SOAT1: variants seen among roughly 807,000 people sequenced by gnomAD.
SOAT1 encodes the protein sterol O-acyltransferase 1.
SOAT1 carries 55 observed loss-of-function variants against 69.5 expected under a neutral mutation model. The observed-to-expected ratio is 0.79, with a 90% CI of 0.64 to 0.99. The LOEUF (loss-of-function observed/expected upper bound fraction) is 0.99. SOAT1 is among the 50% of genes least tolerant of loss of function. The pLI, the probability that SOAT1 is intolerant of heterozygous loss-of-function variation, is 0.00. For missense variants in SOAT1, 580 were observed against 669.3 expected (o/e 0.87, Z 1.47); for synonymous variants, 231 against 224.7 (o/e 1.03, Z -0.25).
intron 2 of SOAT1, among the ~76,000 whole-genome samples, 178 bp downstream of exon 2, chr1:179,302,980 G>T (rs1361131512): frequency 6.6e-6 from 1 of 152,082 alleles, no homozygotes; most frequent in Non-Finnish European, 1.5e-5. Flanking sequence ...TAATTTGGTG[G>T]TCATCTATTG....
chr1:179,351,343 A>G lies in SOAT1; in HGVS notation c.1477A>G (p.Ser493Gly). 6.2e-7 allele frequency: 1 copy of G among 1,614,080 alleles called. No homozygotes were observed. Among genetic ancestry groups the G allele is most frequent in the Non-Finnish European group, 8.5e-7 (1 of 1,179,956 alleles). ...GGCTTTCAACTTCATTGTCAATGAT[A>G]GTCGGAAAAAGCCGATTTGGAATGT... Reference protein sequence around the residue: ...GMAFNFIVNDSRKKPIWNVLM... With the variant: ...GMAFNFIVNDGRKKPIWNVLM... The change falls in exon 15 of 16, where the codon AGT (serine) becomes GGT (glycine). Residue 493 changes from serine to glycine, a missense_variant. Ser to Gly is a moderately conservative substitution (Grantham distance 56). Coordinates refer to ENST00000367619, the MANE Select transcript of SOAT1 (RefSeq NM_003101.6).
At chr1:179,351,720 A>ATTTTTT (rs1558061106) in intron 15 of SOAT1, among the ~76,000 whole-genome samples, 14 of 43,488 alleles carry the variant, frequency 3.2e-4, no homozygotes, top group Middle Eastern at 0.01. Flanking sequence ...AGCCCCTTCT[A>ATTTTTT]ATTTTTTTTT....
chr1:179,353,448 A>C, intron 15 of SOAT1, 137 bp from the exon 16 acceptor site: 1 of 759,454 alleles, frequency 1.3e-6, no homozygotes, highest in Non-Finnish European at 2.3e-6. Context: ...TGAGCTGCTT[A>C]TACCTTGAGG....
intron 1 of SOAT1, among the ~76,000 whole-genome samples, chr1:179,301,268 A>G (rs1030587149): frequency 3.3e-5 from 5 of 152,214 alleles, no homozygotes; most frequent in Admixed American, 3.3e-4. Context: ...ACCTTGTACT[A>G]TCTTGATATT....
chr1:179,312,487 G>A (rs1665253188), intron 2 of SOAT1, among the ~76,000 whole-genome samples: 1 of 152,172 alleles, frequency 6.6e-6, no homozygotes, highest in Admixed American at 6.5e-5. Context: ...TTCCCCTACA[G>A]ACTTCTCGTG....
chr1:179,353,527 A>G (rs1666818601), intron 15 of SOAT1, 58 bp from the exon 16 acceptor site: 1 of 1,454,488 alleles, frequency 6.9e-7, no homozygotes, highest in Admixed American at 1.7e-5. Context: ...GCCTATCTCC[A>G]CACCTCCTCT....
At position 179,335,584 on chromosome 1, in the gene SOAT1, T is replaced by A. The variant is rs774714964; in HGVS notation, c.256T>A (p.Ser86Thr). Residue 86 changes from serine (S) to threonine (T), a missense_variant, in exon 4 of 16, where the codon TCA becomes ACA. Coordinates refer to ENST00000367619, the MANE Select transcript of SOAT1 (RefSeq NM_003101.6). ...GACCAATCTCATTGAAAAGTCAGCATCATTAGATAATGGTGGGTGCGCTCT... is the reference window on the plus strand; with the variant it reads ...GACCAATCTCATTGAAAAGTCAGCAACATTAGATAATGGTGGGTGCGCTCT... ...FVTNLIEKSA[S>T]LDNGGCALTT... is the part of the protein sequence containing the mutation. 1.9e-5 allele frequency: 31 copies of A among 1,613,826 alleles called. No homozygotes were observed. The highest frequency in any genetic ancestry group is 2.6e-5 in the Non-Finnish European group (31 of 1,179,708).
At chr1:179,303,381 T>C (rs1319564623) in intron 2 of SOAT1, among the ~76,000 whole-genome samples, 1 of 152,202 alleles carries the variant, frequency 6.6e-6, no homozygotes, top group Admixed American at 6.5e-5. Context: ...GGTCAAGGTT[T>C]ATGATTATGA....
intron 11 of SOAT1, among the ~76,000 whole-genome samples, chr1:179,346,099 TC>T (rs1666524848): frequency 6.6e-6 from 1 of 152,180 alleles, no homozygotes; most frequent in South Asian, 2.1e-4. Context: ...ACCTTCCCTT[TC>T]TTTTCTTCTC....
chr1:179,322,518 G>T (rs1323390999), intron 2 of SOAT1, among the ~76,000 whole-genome samples: 1 of 152,092 alleles, frequency 6.6e-6, no homozygotes, highest in Non-Finnish European at 1.5e-5. Context: ...GAATAGCTGG[G>T]ACAAGCCTCT....
intron 5 of SOAT1, 72 bp from the exon 6 acceptor site, chr1:179,339,351 TAAGTTAACTGCTTTA>T (rs1317675552): frequency 1.1e-5 from 9 of 836,208 alleles, no homozygotes; most frequent in Non-Finnish European, 1.4e-5. Flanking sequence ...TCAACTGCTT[TAAGTTAACTGCTTTA>T]AGAAAAGATT....
intron 6 of SOAT1, among the ~76,000 whole-genome samples, chr1:179,340,259 C>A (rs1391137651): frequency 6.6e-6 from 1 of 152,142 alleles, no homozygotes; most frequent in Non-Finnish European, 1.5e-5. Flanking sequence ...CTTTGGGAGG[C>A]CGAGGCGGGA....
chr1:179,321,202 A>G (rs1412424067), intron 2 of SOAT1, among the ~76,000 whole-genome samples: 3 of 152,206 alleles, frequency 2.0e-5, no homozygotes, highest in African/African-American at 7.2e-5. Flanking sequence ...CACCACGCCC[A>G]GCCATGAACT....
rs370618815 is a variant in SOAT1, at chr1:179,350,074, A to G, written c.1315-222A>G. ...AATAACTTACAAACATAAGTTATTG[A>G]TATTTTTGAAAATAGACTCAGATAT... On this transcript the variant is annotated intron_variant, in intron 13 of 15. Coordinates refer to ENST00000367619, the MANE Select transcript of SOAT1 (RefSeq NM_003101.6). 1.7e-4 allele frequency among the ~76,000 whole-genome samples: 26 copies of G among 152,328 alleles called. No homozygotes were observed. The East Asian group carries it at 4.8e-3, about 28-fold the overall frequency.
Position 179,341,314 on chromosome 1 carries a change from A to G in SOAT1, c.780+4A>G, listed in dbSNP as rs545476521. 74 of 1,613,562 alleles carry G rather than the reference A, an allele frequency of 4.6e-5. No individual in the cohort carries two copies. The Middle Eastern group carries it at 6.6e-4, about 14-fold the overall frequency. The stretch of plus-strand genomic sequence containing the variant: ...GTTCATCATTATATTCGAGCAGGTA[A>G]GGTTTTAAGTGTTACCCAAGGCGAT... On this transcript the variant is annotated splice_donor_region_variant and intron_variant, in intron 7 of 15. Transcript: ENST00000367619.
At position 179,316,472 on chromosome 1, in the gene SOAT1, C is replaced by T. The variant is rs558694380; in HGVS notation, c.119-6965C>T. Among the ~76,000 whole-genome samples the T allele has an allele frequency of 2.4e-3, 373 of 152,274 alleles. 5 individuals are homozygous for T. Among genetic ancestry groups the T allele is most frequent in the African/African-American group, 8.0e-3 (334 of 41,544 alleles). Reference sequence around the variant, plus strand: ...AGTGCAATGGTATGATCTCGGCTCACCGCAACCTCCACCTCCCGGGTTCAA... The same window carrying T: ...AGTGCAATGGTATGATCTCGGCTCATCGCAACCTCCACCTCCCGGGTTCAA... On this transcript the variant is annotated intron_variant, in intron 2 of 15. Transcript: ENST00000367619.
chr1:179,344,828 G>A, intron 10 of SOAT1, 119 bp from the exon 11 acceptor site: 1 of 882,472 alleles, frequency 1.1e-6, no homozygotes, highest in Non-Finnish European at 1.8e-6. Flanking sequence ...GTGTTAAATG[G>A]AATACATATG....
intron 2 of SOAT1, among the ~76,000 whole-genome samples, chr1:179,323,193 G>A (rs1326476194): frequency 6.6e-6 from 1 of 152,064 alleles, no homozygotes; most frequent in Admixed American, 6.6e-5. Flanking sequence ...GTCAGAATCA[G>A]ATCTATAGCA....
At chr1:179,301,773 C>A (rs111815375) in intron 1 of SOAT1, among the ~76,000 whole-genome samples, 5 of 152,114 alleles carry the variant, frequency 3.3e-5, no homozygotes, top group Non-Finnish European at 2.9e-5. Context: ...TTGTTTTTGT[C>A]GTAGTTCAAT....
Sources: gnomAD v4.1 joint callset for allele counts (sites outside exome capture counted in the v4.1 genomes callset) on GRCh38, gnomAD v4.1.1 for gene constraint, MANE v1.5 for transcripts, NCBI Gene and HGNC (gene_info 2026-07-23, HGNC 2026-07-21) for gene names.